TMEM135: variants seen among roughly 807,000 people sequenced by gnomAD.
TMEM135 encodes transmembrane protein 135, also known as peroxisomal membrane protein 52.
A neutral mutation model predicts 60.3 loss-of-function variants in TMEM135; 30 were observed. The ratio of observed to expected loss-of-function variants is 0.50; its 90% CI spans 0.37 to 0.68. The LOEUF is 0.68. Among genes scored for constraint, TMEM135 ranks in the 30% least tolerant of loss-of-function variants. TMEM135 has a pLI of 0.00. For missense variants in TMEM135, 468 were observed against 548.8 expected (o/e 0.85, Z 1.47); for synonymous variants, 190 against 186.7 (o/e 1.02, Z -0.14).
chr11:87,164,475 T>C (rs1938982064), intron 5 of TMEM135, among the ~76,000 whole-genome samples: 2 of 61,038 alleles, frequency 3.3e-5, no homozygotes. Context: ...GGTAGTGTGA[T>C]GCCTCCAGCT....
intron 1 of TMEM135, among the ~76,000 whole-genome samples, chr11:87,056,362 C>A (rs1277354208): frequency 6.6e-6 from 1 of 152,194 alleles, no homozygotes; most frequent in Non-Finnish European, 1.5e-5. Flanking sequence ...AACACCTCTG[C>A]CTCCCAAAGA....
At chr11:87,251,122 T>C (rs1208964362) in intron 6 of TMEM135, among the ~76,000 whole-genome samples, 2 of 152,168 alleles carry the variant, frequency 1.3e-5, no homozygotes, top group African/African-American at 4.8e-5. Context: ...TTTATGACAT[T>C]CAGCTAGAGA....
intron 5 of TMEM135, among the ~76,000 whole-genome samples, chr11:87,172,505 A>T (rs577441104): frequency 6.6e-6 from 1 of 151,746 alleles, no homozygotes; most frequent in Non-Finnish European, 1.5e-5. Flanking sequence ...GATTTTTTTT[A>T]AACCTTCCAG....
intron 4 of TMEM135, among the ~76,000 whole-genome samples, chr11:87,151,452 T>C (rs1029066656): frequency 1.6e-4 from 25 of 152,130 alleles, no homozygotes; most frequent in Non-Finnish European, 3.2e-4. Context: ...TTCCATTTAA[T>C]TTATTTCTTC....
At chr11:87,233,095 G>T (rs189397533) in intron 5 of TMEM135, among the ~76,000 whole-genome samples, 44 of 152,270 alleles carry the variant, frequency 2.9e-4, no homozygotes, top group African/African-American at 1.1e-3. Context: ...AGGTTGCAGT[G>T]AGCCGAGATT....
intron 5 of TMEM135, among the ~76,000 whole-genome samples, chr11:87,170,303 T>C (rs561006637): frequency 5.5e-5 from 8 of 144,318 alleles, no homozygotes; most frequent in African/African-American, 2.1e-4. Context: ...CTCAAACTTA[T>C]TCTCTGTCCA....
At chr11:87,067,170 T>A (rs1856682313) in intron 1 of TMEM135, among the ~76,000 whole-genome samples, 1 of 147,730 alleles carries the variant, frequency 6.8e-6, no homozygotes, top group African/African-American at 2.5e-5. Context: ...ACTAAATATA[T>A]ATATATATAC....
At position 87,323,053 on chromosome 11, in the gene TMEM135, T is replaced by G. The variant is rs1178674492; in HGVS notation, c.*1720T>G. The stretch of plus-strand genomic sequence containing the variant: ...CACCTCATTTTCTTTATCCAGAAAT[T>G]GTGCTTATATATTTTCCTGTCAGGT... On this transcript the variant is annotated 3_prime_UTR_variant, in exon 15 of 15. Transcript: ENST00000305494. 4.4e-6 allele frequency: 2 copies of G among 454,220 alleles called. No homozygotes were observed. Among genetic ancestry groups the G allele is most frequent in the Admixed American group, 4.7e-5 (2 of 42,530 alleles). The allele number at this position is 454,220 out of a possible 1,614,324, so 28.1% of individuals were successfully genotyped here. A position where few individuals can be genotyped will look rare whatever the true frequency, so the allele number is the denominator to read the frequency against.
chr11:87,042,930 C>G (rs1285016630), intron 1 of TMEM135, among the ~76,000 whole-genome samples: 2 of 150,610 alleles, frequency 1.3e-5, no homozygotes, highest in Non-Finnish European at 2.9e-5. Context: ...TCAGCTCTCA[C>G]TCATCATTTA....
chr11:87,246,836 G>C (rs28783767), intron 6 of TMEM135, among the ~76,000 whole-genome samples: 39,283 of 78,326 alleles, frequency 0.5, 11,630 homozygotes, highest in Middle Eastern at 0.64. Flanking sequence ...TTGTCTGAAG[G>C]CTTCTTCTCT....
At position 87,323,944 on chromosome 11, in the gene TMEM135, A is replaced by G; in HGVS notation, c.*2611A>G. Reference sequence around the variant, plus strand: ...TCATCACTCAGTTGATATCTAGTTTATTTTTTGCCTTCATTCGTTGTTTAG... The same window carrying G: ...TCATCACTCAGTTGATATCTAGTTTGTTTTTTGCCTTCATTCGTTGTTTAG... On this transcript the variant is annotated 3_prime_UTR_variant, in exon 15 of 15. Transcript: ENST00000305494. The G allele has an allele frequency of 8.8e-6, 4 of 453,510 alleles. No homozygotes were observed. Among genetic ancestry groups the G allele is most frequent in the Non-Finnish European group, 1.8e-5 (4 of 226,682 alleles). 28.1% of individuals were successfully genotyped at this position (453,510 alleles called of 1,614,324 possible). A position where few individuals can be genotyped will look rare whatever the true frequency, so the allele number is the denominator to read the frequency against.
chr11:87,144,868 C>A (rs1412425538), intron 4 of TMEM135, among the ~76,000 whole-genome samples: 1 of 151,810 alleles, frequency 6.6e-6, no homozygotes, highest in East Asian at 1.9e-4. Flanking sequence ...GGGAACAAAG[C>A]AATGTTATAA....
Position 87,323,843 on chromosome 11 carries a change from C to T in TMEM135, c.*2510C>T. 2 of 452,396 alleles carry T rather than the reference C, an allele frequency of 4.4e-6. No homozygotes were observed. Among genetic ancestry groups the T allele is most frequent in the African/African-American group, 2.0e-5 (1 of 50,018 alleles). 28.0% of individuals were successfully genotyped at this position (452,396 alleles called of 1,614,324 possible). ...ATTTTATTACTCATTTTTGAAGTAA[C>T]ACCTTTGGTTTAGTTTTATTTTCCC... On this transcript the variant is annotated 3_prime_UTR_variant, in exon 15 of 15. Transcript: ENST00000305494.
intron 8 of TMEM135, 67 bp from the exon 9 acceptor site, chr11:87,305,869 A>G: frequency 8.6e-7 from 1 of 1,158,718 alleles, no homozygotes; most frequent in Non-Finnish European, 1.2e-6. Context: ...ATCCACAAAC[A>G]TGTACAAACA....
intron 6 of TMEM135, among the ~76,000 whole-genome samples, chr11:87,261,839 G>A (rs2135402125): frequency 6.6e-6 from 1 of 152,190 alleles, no homozygotes; most frequent in South Asian, 2.1e-4. Flanking sequence ...TGCTCAGGGT[G>A]GTCTAGAACT....
At chr11:87,266,820 A>C (rs888358262) in intron 6 of TMEM135, among the ~76,000 whole-genome samples, 1 of 152,178 alleles carries the variant, frequency 6.6e-6, no homozygotes, top group Non-Finnish European at 1.5e-5. Context: ...TTTTGTATAG[A>C]TCAGACTAAA....
chr11:87,120,855 T>C (rs1209673616), intron 4 of TMEM135, among the ~76,000 whole-genome samples: 1 of 152,170 alleles, frequency 6.6e-6, no homozygotes, highest in African/African-American at 2.4e-5. Flanking sequence ...AAATACATGA[T>C]CTAGAACTTT....
intron 4 of TMEM135, among the ~76,000 whole-genome samples, chr11:87,111,110 A>G (rs1857733141): frequency 1.3e-5 from 2 of 152,240 alleles, no homozygotes; most frequent in Admixed American, 1.3e-4. Flanking sequence ...GAGTATATGT[A>G]GAAGCTTAGG....
intron 1 of TMEM135, among the ~76,000 whole-genome samples, chr11:87,045,801 A>G (rs1949790850): frequency 6.6e-6 from 1 of 152,226 alleles, no homozygotes; most frequent in Middle Eastern, 3.2e-3. Flanking sequence ...ATATATGGTG[A>G]AGGGGAGACT....
Sources: gnomAD v4.1 joint callset for allele counts (sites outside exome capture counted in the v4.1 genomes callset) on GRCh38, gnomAD v4.1.1 for gene constraint, MANE v1.5 for transcripts, NCBI Gene and HGNC (gene_info 2026-07-23, HGNC 2026-07-21) for gene names.